JMJD4: variants seen among roughly 807,000 people sequenced by gnomAD.
JMJD4 encodes the protein 2-oxoglutarate and iron-dependent oxygenase JMJD4.
In JMJD4, 34 loss-of-function variants were observed where a neutral mutation model predicts 36.3. The ratio of observed to expected loss-of-function variants is 0.94; its 90% CI spans 0.71 to 1.25. The LOEUF is 1.25. JMJD4 is among the 50% of genes most tolerant of loss of function. JMJD4 has a pLI of 0.00. For synonymous variants in JMJD4, 269 were observed against 235.3 expected, an observed-to-expected ratio of 1.14 and a Z score of -1.31; for missense variants, 584 against 559.1, an observed-to-expected ratio of 1.04 and a Z score of -0.45.
Position 227,732,344 on chromosome 1 carries a change from C to T in JMJD4, c.*48G>A. ...CTTTATTTCTGGAAGGGCCCCGGAG[C>T]AGGAGGCTGCCTCTCTTCCACCCGT... is the stretch of plus-strand genomic sequence containing the variant. On this transcript the variant is annotated 3_prime_UTR_variant, in exon 6 of 6. Transcript: ENST00000620518. The T allele has an allele frequency of 1.3e-6, 2 of 1,596,438 alleles. No homozygotes were observed. Among genetic ancestry groups the T allele is most frequent in the Non-Finnish European group, 1.7e-6 (2 of 1,168,772 alleles).
At position 227,732,205 on chromosome 1, in the gene JMJD4, T is replaced by C; in HGVS notation, c.*187A>G. ...CAGGTCAGAAGGGCCACATCCCATC[T>C]TGGGTCCCTGACCTCATTGGGCCTC... On this transcript the variant is annotated 3_prime_UTR_variant, in exon 6 of 6. Transcript: ENST00000620518. 1 of 653,588 alleles carries C rather than the reference T, an allele frequency of 1.5e-6. No individual in the cohort carries two copies. Among genetic ancestry groups the C allele is most frequent in the Non-Finnish European group, 2.7e-6 (1 of 377,058 alleles). 40.5% of individuals were successfully genotyped at this position (653,588 alleles called of 1,614,324 possible).
chr1:227,735,164 C>A lies in JMJD4; in HGVS notation c.110G>T (p.Gly37Val). 1 of 1,580,342 alleles carries A rather than the reference C, an allele frequency of 6.3e-7. No homozygotes were observed. The highest frequency in any genetic ancestry group is 8.6e-7 in the Non-Finnish European group (1 of 1,163,946). The change falls in exon 1 of 6, where the codon GGC (glycine) becomes GTC (valine). Residue 37 changes from glycine to valine, a missense_variant. Coordinates refer to ENST00000620518, the MANE Select transcript of JMJD4 (RefSeq NM_023007.3). ...CACAAAGTCGGCGTAGGAGAAGGCG[C>A]CCGGCTCCGAGACGAAGGCTACCCG... The part of the protein sequence containing the change: ...PGRVAFVSEP[G>V]AFSYADFVRG...
Position 227,732,689 on chromosome 1 carries a change from A to T in JMJD4, c.970-13T>A. 6.2e-7 allele frequency: 1 copy of T among 1,611,200 alleles called. No homozygotes were observed. Among genetic ancestry groups the T allele is most frequent in the Non-Finnish European group, 8.5e-7 (1 of 1,179,682 alleles). On this transcript the variant is annotated splice_polypyrimidine_tract_variant and intron_variant, in intron 5 of 5. Coordinates refer to ENST00000620518, the MANE Select transcript of JMJD4 (RefSeq NM_023007.3). ...ACCTCATGATGACCTGGGCAGAGGG[A>T]AGAGGCCAGTGAGCTAACACCATGG...
chr1:227,732,922 C>A lies in JMJD4; in HGVS notation c.928G>T (p.Glu310Ter). The change falls in exon 5 of 6, where the codon GAG (glutamate) becomes TAG (stop). Residue 310 changes from glutamate (E) to a stop codon, truncating the protein, a stop_gained. Transcript: ENST00000620518. LOFTEE classifies it low-confidence loss of function (END_TRUNC). ...ELCAVQEEVS[E>*]WRDSMPDWHH... is the part of the protein sequence containing the mutation. ...CAGTCGGGCATGGAGTCCCTCCACTCGCTGACCTCCTCCTGCACGGCGCAT... is the reference window on the plus strand; with the variant it reads ...CAGTCGGGCATGGAGTCCCTCCACTAGCTGACCTCCTCCTGCACGGCGCAT... 1 of 1,613,044 alleles carries A rather than the reference C, an allele frequency of 6.2e-7. No individual in the cohort carries two copies. The highest frequency in any genetic ancestry group is 8.5e-7 in the Non-Finnish European group (1 of 1,180,004).
chr1:227,734,873 C>A lies in JMJD4; in HGVS notation c.263-57G>T, dbSNP rs528183272. The A allele has an allele frequency of 5.0e-6, 8 of 1,603,814 alleles. No individual in the cohort carries two copies. In the African/African-American group the frequency reaches 9.4e-5, roughly 19 times the overall value. The stretch of plus-strand genomic sequence containing the variant: ...CCTGGGCCCCGTCCTCACTCCAAAC[C>A]GTCTGCAGAGGAACTCTCCAGGGGC... On this transcript the variant is annotated intron_variant, in intron 1 of 5. Coordinates refer to ENST00000620518, the MANE Select transcript of JMJD4 (RefSeq NM_023007.3).
rs752050582 is a variant in JMJD4 at position 227,734,731 on chromosome 1, G to A, written c.348C>T (p.Ile116=). ...PKEHMTLRDY[I]TYWKEYIQAG... ...CCTGTATGTACTCTTTCCAGTAGGTGATGTAGTCTCTGAGAGTCATGTGCT... is the reference window on the plus strand; with the variant it reads ...CCTGTATGTACTCTTTCCAGTAGGTAATGTAGTCTCTGAGAGTCATGTGCT... Residue 116 remains isoleucine, a synonymous_variant, in exon 2 of 6, where the codon ATC becomes ATT. Coordinates refer to ENST00000620518, the MANE Select transcript of JMJD4 (RefSeq NM_023007.3). 2 of 1,614,080 alleles carry A rather than the reference G, an allele frequency of 1.2e-6. No individual in the cohort carries two copies. Among genetic ancestry groups the A allele is most frequent in the South Asian group, 2.2e-5 (2 of 91,084 alleles).
In JMJD4 at chr1:227,735,256, G is replaced by A. The variant is rs1199330053; in HGVS notation, c.18C>T (p.Arg6=). Residue 6 remains arginine, a synonymous_variant, in exon 1 of 6, where the codon CGC becomes CGT. Coordinates refer to ENST00000620518, the MANE Select transcript of JMJD4 (RefSeq NM_023007.3). ...CTCGGAAGTGGCTGTCGGCGAGGGC[G>A]CGCGTCTCGCGGTCCATCCAGCTCA... The part of the protein sequence containing the change: MDRET[R]ALADSHFRGL... The A allele has an allele frequency of 6.2e-7, 1 of 1,603,408 alleles. No individual in the cohort carries two copies. The highest frequency in any genetic ancestry group is 1.1e-5 in the South Asian group (1 of 89,838).
At position 227,732,690 on chromosome 1, in the gene JMJD4, A is replaced by T. The variant is rs1414401743; in HGVS notation, c.970-14T>A. ...CCTCATGATGACCTGGGCAGAGGGA[A>T]GAGGCCAGTGAGCTAACACCATGGA... is the stretch of plus-strand genomic sequence containing the variant. On this transcript the variant is annotated splice_polypyrimidine_tract_variant and intron_variant, in intron 5 of 5. Transcript: ENST00000620518. 6.2e-7 allele frequency: 1 copy of T among 1,611,160 alleles called. No homozygotes were observed. Among genetic ancestry groups the T allele is most frequent in the Admixed American group, 1.7e-5 (1 of 59,998 alleles).
rs547648599 is a variant in JMJD4, at chr1:227,733,264, A to T, written c.822+150T>A. On this transcript the variant is annotated intron_variant, in intron 4 of 5. Coordinates refer to ENST00000620518, the MANE Select transcript of JMJD4 (RefSeq NM_023007.3). ...ACCGGCAGTGGGTGAAACAGAGGCT[A>T]GGCCTCAGCGACACCACCTTGTGAA... The T allele has an allele frequency of 5.5e-6, 5 of 917,312 alleles. No individual in the cohort carries two copies. The East Asian group carries it at 1.3e-4, about 24-fold the overall frequency. The allele number at this position is 917,312 out of a possible 1,614,324, so 56.8% of individuals were successfully genotyped here.
At position 227,732,338 on chromosome 1, in the gene JMJD4, C is replaced by G. The variant is rs1301159133; in HGVS notation, c.*54G>C. On this transcript the variant is annotated 3_prime_UTR_variant, in exon 6 of 6. Transcript: ENST00000620518. The stretch of plus-strand genomic sequence containing the variant: ...GGCGGTCTTTATTTCTGGAAGGGCC[C>G]CGGAGCAGGAGGCTGCCTCTCTTCC... The G allele has an allele frequency of 6.3e-7, 1 of 1,590,530 alleles. No homozygotes were observed. Among genetic ancestry groups the G allele is most frequent in the Non-Finnish European group, 8.6e-7 (1 of 1,164,762 alleles).
intron 2 of JMJD4, 162 bp from the exon 3 acceptor site, chr1:227,734,194 G>A (rs1660891926): frequency 1.3e-6 from 1 of 764,392 alleles, no homozygotes; most frequent in Admixed American, 3.0e-5. Flanking sequence ...CGCTGCTGGC[G>A]GGGGAGGGGG....
chr1:227,732,204 C>T lies in JMJD4; in HGVS notation c.*188G>A, dbSNP rs1036307062. The T allele has an allele frequency of 1.5e-5, 10 of 652,472 alleles. No homozygotes were observed. Among genetic ancestry groups the T allele is most frequent in the Admixed American group, 2.9e-5 (1 of 34,550 alleles). The allele number at this position is 652,472 out of a possible 1,614,324, so 40.4% of individuals were successfully genotyped here. On this transcript the variant is annotated 3_prime_UTR_variant, in exon 6 of 6. Coordinates refer to ENST00000620518, the MANE Select transcript of JMJD4 (RefSeq NM_023007.3). The stretch of plus-strand genomic sequence containing the variant: ...GCAGGTCAGAAGGGCCACATCCCAT[C>T]TTGGGTCCCTGACCTCATTGGGCCT...
rs535333733 is a variant in JMJD4, at chr1:227,732,076, C to T, written c.*316G>A. 7.2e-5 allele frequency: 33 copies of T among 460,352 alleles called. No individual in the cohort carries two copies. Among genetic ancestry groups the T allele is most frequent in the Non-Finnish European group, 1.2e-4 (29 of 251,398 alleles). 28.5% of individuals were successfully genotyped at this position (460,352 alleles called of 1,614,324 possible). A position where few individuals can be genotyped will look rare whatever the true frequency, so the allele number is the denominator to read the frequency against. On this transcript the variant is annotated 3_prime_UTR_variant, in exon 6 of 6. Coordinates refer to ENST00000620518, the MANE Select transcript of JMJD4 (RefSeq NM_023007.3). ...AAGAGGAGCCACCAGAGAAGGCACACCAGACACAGACTCCTGTCAGCTCAG... is the reference window on the plus strand; with the variant it reads ...AAGAGGAGCCACCAGAGAAGGCACATCAGACACAGACTCCTGTCAGCTCAG...
chr1:227,733,044 G>T lies in JMJD4; in HGVS notation c.823-17C>A. The T allele has an allele frequency of 6.2e-7, 1 of 1,613,016 alleles. No homozygotes were observed. Among genetic ancestry groups the T allele is most frequent in the Non-Finnish European group, 8.5e-7 (1 of 1,179,844 alleles). On this transcript the variant is annotated splice_polypyrimidine_tract_variant and intron_variant, in intron 4 of 5. Transcript: ENST00000620518. The stretch of plus-strand genomic sequence containing the variant: ...GGTGTCATCCTGGAAGGGGCACAGT[G>T]CAGGCAGGCCTGAGCCCATGGCAGG...
At chr1:227,732,858 G>A (rs1212101151) in intron 5 of JMJD4, 23 bp downstream of exon 5, 2 of 1,611,586 alleles carry the variant, frequency 1.2e-6, no homozygotes, top group Non-Finnish European at 1.7e-6. Flanking sequence ...CAGGAGGGTA[G>A]CCTCCATGCG....
At position 227,735,193 on chromosome 1, in the gene JMJD4, C is replaced by T. The variant is rs1398321545; in HGVS notation, c.81G>A (p.Pro27=). ...GCTCCGAGACGAAGGCTACCCGGCC[C>T]GGAGCCTGGCCGACGCCGGGGACAT... is the stretch of plus-strand genomic sequence containing the variant. ...GVDVPGVGQA[P]GRVAFVSEPG... is the part of the protein sequence containing the mutation. The change falls in exon 1 of 6, where the codon CCG becomes CCA. Residue 27 remains proline (P), a synonymous_variant. Transcript: ENST00000620518. The T allele has an allele frequency of 1.9e-6, 3 of 1,581,588 alleles. No individual in the cohort carries two copies. The highest frequency in any genetic ancestry group is 2.6e-6 in the Non-Finnish European group (3 of 1,164,596).
In JMJD4 at chr1:227,732,640, C is replaced by T. The variant is rs1660739354; in HGVS notation, c.1006G>A (p.Glu336Lys). Residue 336 changes from glutamate to lysine, a missense_variant, in exon 6 of 6, where the codon GAG (glutamate) becomes AAG (lysine). Glu to Lys is a moderately conservative substitution (Grantham distance 56, BLOSUM62 1). Coordinates refer to ENST00000620518, the MANE Select transcript of JMJD4 (RefSeq NM_023007.3). ...MRSCSGINFE[E>K]FYHFLKVIAE... ...ATGACCTTGAGGAAGTGGTAAAACTCTTCAAAGTTGATGCCCGAGCAGGAC... is the reference window on the plus strand; with the variant it reads ...ATGACCTTGAGGAAGTGGTAAAACTTTTCAAAGTTGATGCCCGAGCAGGAC... 6.2e-7 allele frequency: 1 copy of T among 1,613,328 alleles called. No individual in the cohort carries two copies. Among genetic ancestry groups the T allele is most frequent in the African/African-American group, 1.3e-5 (1 of 74,950 alleles).
In JMJD4 at chr1:227,733,696, G is replaced by A. The variant is rs770397913; in HGVS notation, c.555-15C>T. On this transcript the variant is annotated splice_polypyrimidine_tract_variant and intron_variant, in intron 3 of 5. Transcript: ENST00000620518. ...GGAACGGGGACCTGCGGCAGCAAGA[G>A]CGCCTGGTTCATGCCTGTAGGGGCT... 3.8e-6 allele frequency: 6 copies of A among 1,599,342 alleles called. No individual in the cohort carries two copies. The South Asian group carries it at 4.4e-5, about 12-fold the overall frequency.
chr1:227,735,270 C>G lies in JMJD4; in HGVS notation c.4G>C (p.Asp2His). 2 of 1,606,072 alleles carry G rather than the reference C, an allele frequency of 1.2e-6. No homozygotes were observed. Among genetic ancestry groups the G allele is most frequent in the South Asian group, 1.1e-5 (1 of 90,158 alleles). Residue 2 changes from aspartate to histidine, a missense_variant, in exon 1 of 6, where the codon GAC (aspartate) becomes CAC (histidine). By Grantham distance (81) the Asp-to-His change is moderately conservative (BLOSUM62 -1). Transcript: ENST00000620518. Reference protein sequence around the residue: MDRETRALADSH... With the variant: MHRETRALADSH... Reference sequence around the variant, plus strand: ...TCGGCGAGGGCGCGCGTCTCGCGGTCCATCCAGCTCAGCACGGGTCGAAGG... The same window carrying G: ...TCGGCGAGGGCGCGCGTCTCGCGGTGCATCCAGCTCAGCACGGGTCGAAGG...
Sources: gnomAD v4.1 joint callset for allele counts on GRCh38, gnomAD v4.1.1 for gene constraint, MANE v1.5 for transcripts, NCBI Gene and HGNC (gene_info 2026-07-23, HGNC 2026-07-21) for gene names.